RBBP8: variants seen among roughly 807,000 people sequenced by gnomAD.
RBBP8 encodes DNA endonuclease RBBP8.
A neutral mutation model predicts 108.3 loss-of-function variants in RBBP8; 88 were observed. The observed-to-expected ratio is 0.81, with a 90% CI of 0.68 to 0.97. The LOEUF (loss-of-function observed/expected upper bound fraction) is 0.97, where lower values mean the gene tolerates loss of function less well. RBBP8 is among the 50% of genes least tolerant of loss of function. The pLI, the probability that RBBP8 is intolerant of heterozygous loss-of-function variation, is 0.00. For synonymous variants in RBBP8, 332 were observed against 348.2 expected (o/e 0.95, Z 0.52); for missense variants, 1,023 against 1,049.0 (o/e 0.98, Z 0.34).
chr18:22,949,000 CTT>C, intron 3 of RBBP8, among the ~76,000 whole-genome samples: 1 of 152,192 alleles, frequency 6.6e-6, no homozygotes, highest in African/African-American at 2.4e-5. Context: ...ATGGTAAACA[CTT>C]AACATAAAGC....
intron 13 of RBBP8, among the ~76,000 whole-genome samples, chr18:22,997,227 G>A (rs148346451): frequency 3.9e-5 from 6 of 152,248 alleles, no homozygotes; most frequent in African/African-American, 1.4e-4. Context: ...TAATAACAAA[G>A]TATTTAACAT....
chr18:23,005,567 C>T (rs1397064996), intron 15 of RBBP8, among the ~76,000 whole-genome samples: 1 of 152,076 alleles, frequency 6.6e-6, no homozygotes, highest in East Asian at 1.9e-4. Context: ...CATGTGCCAC[C>T]ATGCCCAGCT....
At chr18:22,943,871 T>G (rs1379955662) in intron 2 of RBBP8, among the ~76,000 whole-genome samples, 1 of 152,246 alleles carries the variant, frequency 6.6e-6, no homozygotes, top group Non-Finnish European at 1.5e-5. Context: ...TTCTGAACTC[T>G]TAAATTTGCT....
intron 4 of RBBP8, among the ~76,000 whole-genome samples, chr18:22,951,330 C>G (rs1434933626): frequency 6.6e-6 from 1 of 152,106 alleles, no homozygotes; most frequent in Non-Finnish European, 1.5e-5. Context: ...ATTTAGCACT[C>G]CTGTCTGTGC....
Position 22,992,747 on chromosome 18 carries a change from G to A in RBBP8, c.921-1G>A. On this transcript the variant is annotated splice_acceptor_variant, in intron 10 of 18. Transcript: ENST00000327155. LOFTEE classifies it high-confidence loss of function. Reference sequence around the variant, plus strand: ...AAGAATTGTTATCACTCTTTATTTAGATTTTCAGATTCTACTTCAAAGACT... The same window carrying A: ...AAGAATTGTTATCACTCTTTATTTAAATTTTCAGATTCTACTTCAAAGACT... 6.3e-7 allele frequency: 1 copy of A among 1,577,074 alleles called. No homozygotes were observed. The highest frequency in any genetic ancestry group is 8.7e-7 in the Non-Finnish European group (1 of 1,147,012).
In RBBP8 at chr18:22,962,742, T is replaced by G. The variant is rs28401434; in HGVS notation, c.249-6064T>G. ...CCTCCCTAGTAGCTGGGACTACAGGTGTGTGCCACCATGTCCAGCTAATTT... is the reference window on the plus strand; with the variant it reads ...CCTCCCTAGTAGCTGGGACTACAGGGGTGTGCCACCATGTCCAGCTAATTT... On this transcript the variant is annotated intron_variant, in intron 4 of 18. Coordinates refer to ENST00000327155, the MANE Select transcript of RBBP8 (RefSeq NM_002894.3). 8.6e-3 allele frequency among the ~76,000 whole-genome samples: 1,242 copies of G among 144,584 alleles called. 21 individuals carry two copies. Among genetic ancestry groups the G allele is most frequent in the African/African-American group, 0.03 (1,195 of 39,182 alleles). 94.9% of individuals were successfully genotyped at this position (144,584 alleles called of 152,430 possible).
At chr18:23,005,260 CAGAT>C (rs2046021184) in intron 15 of RBBP8, among the ~76,000 whole-genome samples, 2 of 152,182 alleles carry the variant, frequency 1.3e-5, no homozygotes, top group African/African-American at 2.4e-5. Flanking sequence ...TATATGTTCT[CAGAT>C]AGCTAAAAGC....
chr18:23,022,673 A>AAAAAAAT (rs1476972736), intron 18 of RBBP8, among the ~76,000 whole-genome samples: 1 of 130,930 alleles, frequency 7.6e-6, no homozygotes, highest in African/African-American at 2.7e-5. Flanking sequence ...TAAAATAAAT[A>AAAAAAAT]ACTGTATATG....
At chr18:22,969,996 C>T (rs992891390) in intron 5 of RBBP8, among the ~76,000 whole-genome samples, 6 of 152,166 alleles carry the variant, frequency 3.9e-5, no homozygotes, top group African/African-American at 9.6e-5. Flanking sequence ...AGGACCCTGA[C>T]GCATACCAAA....
intron 1 of RBBP8, among the ~76,000 whole-genome samples, 180 bp from the exon 2 acceptor site, chr18:22,936,574 C>A (rs1349589713): frequency 6.6e-6 from 1 of 152,150 alleles, no homozygotes; most frequent in Non-Finnish European, 1.5e-5. Flanking sequence ...GAAATCAGAA[C>A]TTTTCTCACC....
chr18:22,962,332 G>T (rs978458514), intron 4 of RBBP8, among the ~76,000 whole-genome samples: 1 of 151,814 alleles, frequency 6.6e-6, no homozygotes, highest in African/African-American at 2.4e-5. Flanking sequence ...TCAACTGTAG[G>T]AATTTTGTAC....
At chr18:23,016,167 G>A (rs922456641) in intron 16 of RBBP8, among the ~76,000 whole-genome samples, 6 of 152,096 alleles carry the variant, frequency 3.9e-5, no homozygotes, top group Admixed American at 1.3e-4. Flanking sequence ...CGCCCATCCA[G>A]CTTTGTTCTT....
At position 22,990,972 on chromosome 18, in the gene RBBP8, G is replaced by A. The variant is rs61759887; in HGVS notation, c.843G>A (p.Glu281=). 3.4e-4 allele frequency: 556 copies of A among 1,613,716 alleles called. 4 individuals carry two copies. In the African/African-American group the frequency reaches 6.8e-3, roughly 20 times the overall value. Residue 281 remains glutamate (E), a synonymous_variant, in exon 10 of 19, where the codon GAG becomes GAA. Transcript: ENST00000327155. ...GTCCCATGAGCCCCCTTGGTGATGA[G>A]CTCTACCACTGTCTGGAAGGAAATC... ...TQGPMSPLGD[E]LYHCLEGNHK...
chr18:22,958,511 T>C (rs1475401970), intron 4 of RBBP8, among the ~76,000 whole-genome samples: 2 of 152,242 alleles, frequency 1.3e-5, no homozygotes, highest in East Asian at 3.8e-4. Flanking sequence ...TATTATTTAA[T>C]GCCTTAGTTA....
chr18:22,938,396 C>T (rs569719501), intron 2 of RBBP8, among the ~76,000 whole-genome samples: 1 of 152,238 alleles, frequency 6.6e-6, no homozygotes, highest in Admixed American at 6.5e-5. Flanking sequence ...CTATGTTGCC[C>T]AGGCTGGTCT....
At chr18:23,024,620 T>C (rs1264278657) in intron 18 of RBBP8, 1 of 152,238 alleles carries the variant, frequency 6.6e-6, no homozygotes, top group East Asian at 1.9e-4. Context: ...CAATTAGTTA[T>C]CTCAGTTGAT....
chr18:23,007,189 T>A (rs2046068507), intron 16 of RBBP8, among the ~76,000 whole-genome samples: 1 of 151,474 alleles, frequency 6.6e-6, no homozygotes, highest in South Asian at 2.1e-4. Context: ...CCTGGATAAT[T>A]TGTGTATTTT....
intron 10 of RBBP8, among the ~76,000 whole-genome samples, chr18:22,992,125 A>G (rs768160459): frequency 6.6e-6 from 1 of 152,192 alleles, no homozygotes; most frequent in Non-Finnish European, 1.5e-5. Flanking sequence ...TCAATTCTGT[A>G]GTGTAAGAAT....
intron 12 of RBBP8, among the ~76,000 whole-genome samples, chr18:22,994,896 T>G (rs2045827113): frequency 6.6e-6 from 1 of 151,836 alleles, no homozygotes; most frequent in Non-Finnish European, 1.5e-5. Flanking sequence ...CAGCTGATTT[T>G]TTTATTTTTT....
Sources: gnomAD v4.1 joint callset for allele counts (sites outside exome capture counted in the v4.1 genomes callset) on GRCh38, gnomAD v4.1.1 for gene constraint, MANE v1.5 for transcripts, NCBI Gene and HGNC (gene_info 2026-07-23, HGNC 2026-07-21) for gene names.